EXOC6B: variants seen among roughly 807,000 people sequenced by gnomAD.
EXOC6B encodes the protein exocyst complex component 6B.
EXOC6B carries 54 observed loss-of-function variants against 113.5 expected under a neutral mutation model. The ratio of observed to expected loss-of-function variants is 0.48; its 90% CI spans 0.38 to 0.60. The LOEUF (loss-of-function observed/expected upper bound fraction) is 0.60. EXOC6B is among the 20% of genes least tolerant of loss of function. The pLI is 0.00. For missense variants in EXOC6B, 797 were observed against 977.5 expected (o/e 0.82, Z 2.46); for synonymous variants, 357 against 339.0 (o/e 1.05, Z -0.58).
rs1232942297 is a variant in EXOC6B, at chr2:72,515,056, G to A, written c.986C>T (p.Pro329Leu). 2.5e-6 allele frequency: 4 copies of A among 1,605,804 alleles called. No homozygotes were observed. Among genetic ancestry groups the A allele is most frequent in the Non-Finnish European group, 3.4e-6 (4 of 1,176,122 alleles). The change falls in exon 9 of 22, where the codon CCT becomes CTT. Residue 329 changes from proline (P) to leucine (L), a missense_variant. Coordinates refer to ENST00000272427, the MANE Select transcript of EXOC6B (RefSeq NM_015189.3). ...TGGTAATCCTACCATGTTAGATGGA[G>A]GTTGAAGTACCAAACGAGCCTGTTT... is the stretch of plus-strand genomic sequence containing the variant. ...RRKQARLVLQPPSNMHETLDG... is the reference protein window; with the variant it reads ...RRKQARLVLQLPSNMHETLDG...
intron 17 of EXOC6B, among the ~76,000 whole-genome samples, chr2:72,469,947 T>C (rs1164175946): frequency 6.6e-6 from 1 of 152,156 alleles, no homozygotes; most frequent in Admixed American, 6.5e-5. Flanking sequence ...AAGTAGTAAG[T>C]AACTTTGAAA....
At chr2:72,633,320 T>C (rs991935465) in intron 6 of EXOC6B, among the ~76,000 whole-genome samples, 4 of 152,180 alleles carry the variant, frequency 2.6e-5, no homozygotes, top group Admixed American at 1.3e-4. Context: ...GTTGTTGTTG[T>C]TGGAAGAAAT....
intron 19 of EXOC6B, chr2:72,335,223 G>A: frequency 1.8e-6 from 1 of 561,378 alleles, no homozygotes; most frequent in South Asian, 2.1e-5. Flanking sequence ...CATCCTGACA[G>A]CAAGGAAACT....
At position 72,225,625 on chromosome 2, in the gene EXOC6B, G is replaced by C. The variant is rs13397084; in HGVS notation, c.2197-41438C>G. Among the ~76,000 whole-genome samples, 394 of 152,296 alleles carry C rather than the reference G, an allele frequency of 2.6e-3. 2 individuals carry two copies. The highest frequency in any genetic ancestry group is 9.2e-3 in the African/African-American group (381 of 41,558). On this transcript the variant is annotated intron_variant, in intron 20 of 21. Transcript: ENST00000272427. ...TCTGTGTGAAGACAGGGCTCTTCAA[G>C]AGCTGAACCTTGGTGAAAGGGTAGA... is the stretch of plus-strand genomic sequence containing the variant.
At chr2:72,221,505 C>G (rs1680863251) in intron 20 of EXOC6B, among the ~76,000 whole-genome samples, 1 of 152,164 alleles carries the variant, frequency 6.6e-6, no homozygotes, top group Non-Finnish European at 1.5e-5. Context: ...TCTCCAATCC[C>G]TTTCCCTTTT....
chr2:72,346,777 T>C (rs1175222733), intron 19 of EXOC6B, among the ~76,000 whole-genome samples: 1 of 152,124 alleles, frequency 6.6e-6, no homozygotes, highest in African/African-American at 2.4e-5. Context: ...GTAAAGAATA[T>C]AACAAATGGC....
chr2:72,618,141 G>A (rs1333789150), intron 6 of EXOC6B, among the ~76,000 whole-genome samples: 3 of 152,012 alleles, frequency 2.0e-5, no homozygotes, highest in South Asian at 2.1e-4. Context: ...GATAGAGGGG[G>A]GTGGATCACC....
At chr2:72,310,717 G>A (rs1687134833) in intron 20 of EXOC6B, among the ~76,000 whole-genome samples, 1 of 151,628 alleles carries the variant, frequency 6.6e-6, no homozygotes, top group African/African-American at 2.4e-5. Flanking sequence ...CTTTTTTGAT[G>A]TCATATTTAA....
At chr2:72,614,401 T>C (rs964912335) in intron 6 of EXOC6B, among the ~76,000 whole-genome samples, 11 of 152,100 alleles carry the variant, frequency 7.2e-5, no homozygotes, top group African/African-American at 2.7e-4. Flanking sequence ...TTATGGACAC[T>C]GAACAGCCTG....
At chr2:72,366,688 G>A (rs541947483) in intron 19 of EXOC6B, among the ~76,000 whole-genome samples, 1 of 151,460 alleles carries the variant, frequency 6.6e-6, no homozygotes, top group Non-Finnish European at 1.5e-5. Flanking sequence ...AAAAAGTAGA[G>A]AAAATGAGAC....
chr2:72,298,355 C>G (rs1212644325), intron 20 of EXOC6B, among the ~76,000 whole-genome samples: 2 of 151,956 alleles, frequency 1.3e-5, no homozygotes, highest in Non-Finnish European at 2.9e-5. Flanking sequence ...TTTCTCCATC[C>G]CTTTATTTTG....
chr2:72,354,842 G>C (rs564755509), intron 19 of EXOC6B, among the ~76,000 whole-genome samples: 1 of 152,318 alleles, frequency 6.6e-6, no homozygotes, highest in South Asian at 2.1e-4. Flanking sequence ...GGTCAGATAA[G>C]AGCAAACAAA....
At chr2:72,471,876 A>G (rs1052037681) in intron 17 of EXOC6B, among the ~76,000 whole-genome samples, 4 of 152,040 alleles carry the variant, frequency 2.6e-5, no homozygotes, top group African/African-American at 9.7e-5. Flanking sequence ...TGTGGCCTTT[A>G]TTATTTTGAG....
At chr2:72,663,700 G>A (rs916739566) in intron 6 of EXOC6B, among the ~76,000 whole-genome samples, 6 of 152,146 alleles carry the variant, frequency 3.9e-5, no homozygotes, top group African/African-American at 1.4e-4. Flanking sequence ...ACTGGGAAAG[G>A]GAGGGGGAGG....
chr2:72,273,397 C>G (rs1227893583), intron 20 of EXOC6B, among the ~76,000 whole-genome samples: 2 of 152,050 alleles, frequency 1.3e-5, no homozygotes, highest in Admixed American at 6.6e-5. Context: ...AGTAAGACAA[C>G]AATCTCTATC....
intron 8 of EXOC6B, among the ~76,000 whole-genome samples, chr2:72,531,214 G>C (rs1019093323): frequency 2.8e-4 from 43 of 151,872 alleles, no homozygotes; most frequent in Non-Finnish European, 5.9e-5. Flanking sequence ...TTTATTTGTA[G>C]TGTTTTCAAG....
At chr2:72,238,751 CT>C (rs1298095020) in intron 20 of EXOC6B, among the ~76,000 whole-genome samples, 4 of 152,052 alleles carry the variant, frequency 2.6e-5, no homozygotes, top group African/African-American at 7.2e-5. Flanking sequence ...ATTATGCTAT[CT>C]TTTTATTATT....
chr2:72,790,436 C>A (rs924921894), intron 1 of EXOC6B, among the ~76,000 whole-genome samples: 2 of 152,058 alleles, frequency 1.3e-5, no homozygotes, highest in Non-Finnish European at 2.9e-5. Context: ...CTATAATATG[C>A]GCTTTCATAG....
At chr2:72,609,461 T>C (rs1242363464) in intron 6 of EXOC6B, among the ~76,000 whole-genome samples, 3 of 151,758 alleles carry the variant, frequency 2.0e-5, no homozygotes, top group Non-Finnish European at 4.4e-5. Flanking sequence ...TTACTGGATG[T>C]TCTGCCAAAT....
Sources: gnomAD v4.1 joint callset for allele counts (sites outside exome capture counted in the v4.1 genomes callset) on GRCh38, gnomAD v4.1.1 for gene constraint, MANE v1.5 for transcripts, NCBI Gene and HGNC (gene_info 2026-07-23, HGNC 2026-07-21) for gene names.